Variants in MIA2 observed in about 807,000 individuals in gnomAD.
MIA2 encodes the protein melanoma inhibitory activity protein 2.
A neutral mutation model predicts 167.8 loss-of-function variants in MIA2; 127 were observed. That is an observed-to-expected ratio of 0.76 (90% CI 0.66 to 0.88). MIA2 has a LOEUF of 0.88. Ranked by LOEUF, MIA2 falls within the 40% of genes least tolerant of loss-of-function variation. The pLI, the probability that MIA2 is intolerant of heterozygous loss-of-function variation, is 0.00. For missense variants in MIA2, 1,690 were observed against 1,624.7 expected (o/e 1.04, Z -0.69); for synonymous variants, 552 against 541.9 (o/e 1.02, Z -0.26).
chr14:39,362,662 T>C (rs2074712267), intron 23 of MIA2, among the ~76,000 whole-genome samples: 1 of 152,162 alleles, frequency 6.6e-6, no homozygotes, highest in Admixed American at 6.5e-5. Flanking sequence ...TTGTATTGTT[T>C]TTCTAGTCTC....
At chr14:39,342,818 T>C (rs1418080829) in intron 25 of MIA2, among the ~76,000 whole-genome samples, 3 of 152,220 alleles carry the variant, frequency 2.0e-5, no homozygotes, top group Non-Finnish European at 4.4e-5. Context: ...TTCATGAGTT[T>C]AGCGTGTGTA....
Position 39,268,978 on chromosome 14 carries a change from T to TGCCA in MIA2, c.1888-7954_1888-7951dup, listed in dbSNP as rs2056575209. The TGCCA allele has an allele frequency of 3.9e-5, 38 of 982,106 alleles. No individual in the cohort carries two copies. In the South Asian group the frequency reaches 1.1e-3, roughly 28 times the overall value. 60.8% of individuals were successfully genotyped at this position (982,106 alleles called of 1,614,324 possible). ...AATCAAGATTTAGTTTTTATAGGACTGCCAGTGTACATGGAGAAATGCAGA... is the reference window on the plus strand; with the variant it reads ...AATCAAGATTTAGTTTTTATAGGACTGCCAGCCAGTGTACATGGAGAAATGCAGA... On this transcript the variant is annotated intron_variant, in intron 6 of 28. Coordinates refer to ENST00000640607, the MANE Select transcript of MIA2 (RefSeq NM_001329214.4).
chr14:39,339,277 A>G (rs2071228044), intron 25 of MIA2, among the ~76,000 whole-genome samples: 1 of 152,174 alleles, frequency 6.6e-6, no homozygotes, highest in South Asian at 2.1e-4. Context: ...CCCGCAGCCC[A>G]GGGGTTAGGG....
intron 18 of MIA2, among the ~76,000 whole-genome samples, chr14:39,310,129 A>G (rs1356136875): frequency 1.3e-5 from 2 of 152,156 alleles, no homozygotes; most frequent in Admixed American, 1.3e-4. Flanking sequence ...GTAGCCATTC[A>G]TGGACATATT....
chr14:39,370,575 T>C lies in MIA2; in HGVS notation c.2249-16310T>C, dbSNP rs145793211. 9.3e-3 allele frequency: 3,471 copies of C among 371,556 alleles called. 36 individuals carry two copies. The highest frequency in any genetic ancestry group is 0.014 in the Non-Finnish European group (2,459 of 179,150). The allele number at this position is 371,556 out of a possible 1,614,324, so 23.0% of individuals were successfully genotyped here. On this transcript the variant is annotated intron_variant, in intron 23 of 23. Coordinates refer to the MIA2 transcript ENST00000341502. Reference sequence around the variant, plus strand: ...GCACCACCGTGTTGCTGAAGCCGCATTGGGGCTGCTCCGGCATCCTCTTGA... The same window carrying C: ...GCACCACCGTGTTGCTGAAGCCGCACTGGGGCTGCTCCGGCATCCTCTTGA...
intron 23 of MIA2, among the ~76,000 whole-genome samples, chr14:39,373,900 G>A (rs1041447354): frequency 6.6e-6 from 1 of 152,308 alleles, no homozygotes; most frequent in African/African-American, 2.4e-5. Context: ...AGTGGTTCAT[G>A]CTTGTAATCA....
At chr14:39,283,827 C>T (rs2059273286) in intron 9 of MIA2, among the ~76,000 whole-genome samples, 1 of 152,056 alleles carries the variant, frequency 6.6e-6, no homozygotes, top group South Asian at 2.1e-4. Flanking sequence ...CTATTTAAGT[C>T]CTTTGCCTGT....
chr14:39,288,454 T>TTTTTTG (rs2060160944), intron 9 of MIA2, among the ~76,000 whole-genome samples: 1 of 13,906 alleles, frequency 7.2e-5, no homozygotes, highest in Non-Finnish European at 2.1e-4. Context: ...TATATATATA[T>TTTTTTG]ATATATATAT....
At chr14:39,385,096 G>A (rs1445277175) in intron 23 of MIA2, among the ~76,000 whole-genome samples, 3 of 152,028 alleles carry the variant, frequency 2.0e-5, no homozygotes, top group African/African-American at 4.8e-5. Context: ...TCCTACTGAC[G>A]ACTGCTACTT....
At chr14:39,248,270 C>CTG in intron 4 of MIA2, 129 bp downstream of exon 4, 1 of 641,254 alleles carries the variant, frequency 1.6e-6, no homozygotes, top group East Asian at 3.8e-5. Flanking sequence ...TCATCAATTT[C>CTG]CAGTTTACTC....
chr14:39,290,149 AGT>A (rs1322088166), intron 9 of MIA2, among the ~76,000 whole-genome samples: 1 of 152,130 alleles, frequency 6.6e-6, no homozygotes, highest in Non-Finnish European at 1.5e-5. Flanking sequence ...CTGAACTCCA[AGT>A]GTTTTTTCTC....
At chr14:39,234,496 A>C (rs1023426373) in intron 1 of MIA2, among the ~76,000 whole-genome samples, 1 of 152,174 alleles carries the variant, frequency 6.6e-6, no homozygotes, top group African/African-American at 2.4e-5. Context: ...ACTATTTTTA[A>C]AGATTAATCT....
rs3065047 is a variant in MIA2, at chr14:39,365,650, C to CCTATCTAT, written c.2248+16713_2248+16720dup. ...TAGGATACCTGGGTTTTTAAAAATA[C>CCTATCTAT]CTATCTATCTATCTATCTATCTATC... On this transcript the variant is annotated intron_variant, in intron 23 of 23. Coordinates refer to the MIA2 transcript ENST00000341502. 5.5e-4 allele frequency among the ~76,000 whole-genome samples: 82 copies of CCTATCTAT among 147,986 alleles called. 1 individual carries two copies. Among genetic ancestry groups the CCTATCTAT allele is most frequent in the Admixed American group, 1.9e-3 (28 of 14,828 alleles).
At chr14:39,356,190 T>C (rs1262686184), downstream of MIA2, among the ~76,000 whole-genome samples, 3 of 152,064 alleles carry the variant, frequency 2.0e-5, no homozygotes, top group Non-Finnish European at 2.9e-5. Context: ...TCCTGGACTT[T>C]TTTTGGTTGG....
At chr14:39,240,695 T>G in intron 3 of MIA2, 48 bp downstream of exon 3, 1 of 1,398,576 alleles carries the variant, frequency 7.2e-7, no homozygotes, top group Non-Finnish European at 1.0e-6. Flanking sequence ...AATTTCTTGG[T>G]TAAAACAGTT....
chr14:39,325,288 A>G (rs551189236), intron 24 of MIA2, among the ~76,000 whole-genome samples: 2 of 152,098 alleles, frequency 1.3e-5, no homozygotes, highest in South Asian at 2.1e-4. Flanking sequence ...TTTCTGGACA[A>G]TATAATTTTG....
At chr14:39,337,818 A>G (rs572475164) in intron 25 of MIA2, among the ~76,000 whole-genome samples, 1 of 152,156 alleles carries the variant, frequency 6.6e-6, no homozygotes, top group Admixed American at 6.5e-5. Flanking sequence ...CCTGGGTTCA[A>G]ACTGTCCTTC....
chr14:39,334,435 A>C (rs1035145981), intron 25 of MIA2, among the ~76,000 whole-genome samples: 2 of 151,064 alleles, frequency 1.3e-5, no homozygotes, highest in Non-Finnish European at 1.5e-5. Context: ...AGATTGCGCC[A>C]CTGCACTCTA....
intron 1 of MIA2, 100 bp from the exon 2 acceptor site, chr14:39,236,822 T>C: frequency 8.8e-7 from 1 of 1,136,630 alleles, no homozygotes; most frequent in Non-Finnish European, 1.2e-6. Context: ...GAAATTAGCA[T>C]TTGGAAACAT....
Sources: allele counts gnomAD v4.1 joint callset (sites outside exome capture counted in the v4.1 genomes callset), GRCh38; gene constraint gnomAD v4.1.1; transcripts MANE v1.5; gene names NCBI Gene and HGNC (gene_info 2026-07-23, HGNC 2026-07-21).